The following BBX variants were observed in gnomAD, a reference collection of about 807,000 sequenced individuals.
BBX encodes the protein BBX high mobility group box domain containing.
Under a neutral mutation model 100.2 loss-of-function variants are expected in BBX, and 30 were observed. That is an observed-to-expected ratio of 0.30 (90% CI 0.22 to 0.41). The LOEUF (loss-of-function observed/expected upper bound fraction) is 0.41. Among genes scored for constraint, BBX ranks in the 10% least tolerant of loss-of-function variants. The pLI, the probability that BBX is intolerant of heterozygous loss-of-function variation, is 1.00. For missense variants in BBX, 1,023 were observed against 1,129.8 expected (o/e 0.91, Z 1.35); for synonymous variants, 376 against 388.1 (o/e 0.97, Z 0.37).
intron 3 of BBX, among the ~76,000 whole-genome samples, chr3:107,709,748 A>G (rs2061604343): frequency 6.6e-6 from 1 of 152,232 alleles, no homozygotes; most frequent in South Asian, 2.1e-4. Context: ...CACCTGTTTA[A>G]TAGAAATATG....
intron 2 of BBX, among the ~76,000 whole-genome samples, chr3:107,637,072 A>G (rs2056892636): frequency 6.6e-6 from 1 of 152,232 alleles, no homozygotes. Flanking sequence ...TTTTTAAAAA[A>G]TAATAGACCT....
At chr3:107,609,676 G>A (rs1250078975) in intron 2 of BBX, among the ~76,000 whole-genome samples, 1 of 151,918 alleles carries the variant, frequency 6.6e-6, no homozygotes, top group Non-Finnish European at 1.5e-5. Flanking sequence ...TTTGTAGTTG[G>A]TCACAGTTGC....
chr3:107,710,334 C>A, intron 3 of BBX, 118 bp from the exon 4 acceptor site: 1 of 746,836 alleles, frequency 1.3e-6, no homozygotes. Flanking sequence ...AAATTATAAT[C>A]TAATTAATCC....
intron 2 of BBX, among the ~76,000 whole-genome samples, chr3:107,583,113 T>C (rs777666371): frequency 6.6e-6 from 1 of 151,846 alleles, no homozygotes; most frequent in Non-Finnish European, 1.5e-5. Flanking sequence ...AATCAACATA[T>C]GAAGTTTAAA....
intron 2 of BBX, among the ~76,000 whole-genome samples, chr3:107,541,969 C>T (rs2048897778): frequency 6.6e-6 from 1 of 152,028 alleles, no homozygotes; most frequent in Admixed American, 6.6e-5. Flanking sequence ...AGGTGTTTGT[C>T]ACCACGACTG....
intron 13 of BBX, among the ~76,000 whole-genome samples, chr3:107,784,542 C>T (rs2068224986): frequency 4.0e-5 from 6 of 151,874 alleles, no homozygotes; most frequent in Admixed American, 3.9e-4. Flanking sequence ...ATTAAATACA[C>T]TTCTACATAA....
chr3:107,744,102 A>T (rs1260613849), intron 7 of BBX, among the ~76,000 whole-genome samples: 33 of 152,024 alleles, frequency 2.2e-4, no homozygotes, highest in Non-Finnish European at 1.5e-5. Flanking sequence ...ATCACACTGA[A>T]TTGGGGTTAA....
At chr3:107,795,558 C>T (rs2069541999) in intron 15 of BBX, among the ~76,000 whole-genome samples, 2 of 145,322 alleles carry the variant, frequency 1.4e-5, no homozygotes, top group African/African-American at 5.1e-5. Context: ...GAGGAGACCT[C>T]TGGTTAATTG....
chr3:107,769,182 A>ATAGAT lies in BBX; in HGVS notation c.907-3445_907-3441dup, dbSNP rs2066654699. The stretch of plus-strand genomic sequence containing the variant: ...GACTCTATCATTCATAGATAGATAG[A>ATAGAT]TAGATAGATAGATAGATAGATAGAT... On this transcript the variant is annotated intron_variant, in intron 10 of 17. Coordinates refer to ENST00000325805, the MANE Select transcript of BBX (RefSeq NM_001142568.3). Among the ~76,000 whole-genome samples the ATAGAT allele has an allele frequency of 8.2e-5, 6 of 72,786 alleles. No homozygotes were observed. The South Asian group carries it at 3.7e-3, about 45-fold the overall frequency. 47.8% of individuals were successfully genotyped at this position (72,786 alleles called of 152,430 possible). A position where few individuals can be genotyped will look rare whatever the true frequency, so the allele number is the denominator to read the frequency against.
chr3:107,761,890 T>C (rs1176067560), intron 10 of BBX, among the ~76,000 whole-genome samples: 2 of 152,162 alleles, frequency 1.3e-5, no homozygotes, highest in Non-Finnish European at 2.9e-5. Context: ...CCATTTAAGA[T>C]TTCTGTTGTG....
chr3:107,745,912 T>G (rs2064553506), intron 8 of BBX, among the ~76,000 whole-genome samples: 1 of 152,172 alleles, frequency 6.6e-6, no homozygotes, highest in Non-Finnish European at 1.5e-5. Context: ...CATGTGTACA[T>G]TTTTGTGGCT....
chr3:107,772,102 A>C (rs2066949645), intron 10 of BBX, among the ~76,000 whole-genome samples: 1 of 152,202 alleles, frequency 6.6e-6, no homozygotes, highest in Non-Finnish European at 1.5e-5. Flanking sequence ...ATAAAAAAAA[A>C]AATCCAAAAT....
intron 3 of BBX, among the ~76,000 whole-genome samples, chr3:107,656,512 G>T (rs1279203714): frequency 6.6e-6 from 1 of 152,052 alleles, no homozygotes; most frequent in Non-Finnish European, 1.5e-5. Flanking sequence ...GGATTTTATA[G>T]ACTTTAATTG....
intron 3 of BBX, among the ~76,000 whole-genome samples, chr3:107,650,277 G>A (rs1046666759): frequency 3.9e-5 from 6 of 152,064 alleles, no homozygotes; most frequent in African/African-American, 9.7e-5. Flanking sequence ...ATTCTCATAG[G>A]AACCTGAACC....
chr3:107,774,953 C>CT lies in BBX; in HGVS notation c.2054+99dup, dbSNP rs2107801623. The stretch of plus-strand genomic sequence containing the variant: ...AGATCACTAACTACGCATGCTTGTT[C>CT]TTTGACTACTCGCTCAGGACTTCCT... On this transcript the variant is annotated intron_variant, in intron 12 of 17. Coordinates refer to ENST00000325805, the MANE Select transcript of BBX (RefSeq NM_001142568.3). 11 of 1,400,784 alleles carry CT rather than the reference C, an allele frequency of 7.9e-6. No individual in the cohort carries two copies. The South Asian group carries it at 1.4e-4, about 18-fold the overall frequency. 86.8% of individuals were successfully genotyped at this position (1,400,784 alleles called of 1,614,324 possible). A position where few individuals can be genotyped will look rare whatever the true frequency, so the allele number is the denominator to read the frequency against.
chr3:107,787,541 G>C (rs2068564596), intron 13 of BBX, among the ~76,000 whole-genome samples: 1 of 152,178 alleles, frequency 6.6e-6, no homozygotes, highest in Admixed American at 6.5e-5. Context: ...ATTTATTTTT[G>C]AGGTGATGAA....
At chr3:107,573,901 T>C (rs1457714454) in intron 2 of BBX, among the ~76,000 whole-genome samples, 2 of 152,146 alleles carry the variant, frequency 1.3e-5, no homozygotes, top group Non-Finnish European at 2.9e-5. Flanking sequence ...TAATTTTGTA[T>C]TAGCCGGGAG....
At chr3:107,626,885 C>G (rs2056219111) in intron 2 of BBX, among the ~76,000 whole-genome samples, 1 of 152,030 alleles carries the variant, frequency 6.6e-6, no homozygotes, top group Admixed American at 6.6e-5. Flanking sequence ...AAACTCCTGA[C>G]CTCAAGTGAT....
chr3:107,536,976 T>C (rs1187013646), intron 2 of BBX, among the ~76,000 whole-genome samples: 2 of 152,208 alleles, frequency 1.3e-5, no homozygotes, highest in African/African-American at 2.4e-5. Flanking sequence ...CCTTGAAATA[T>C]GGGACGAGTT....
Sources: gnomAD v4.1 joint callset for allele counts (sites outside exome capture counted in the v4.1 genomes callset) on GRCh38, gnomAD v4.1.1 for gene constraint, MANE v1.5 for transcripts, NCBI Gene and HGNC (gene_info 2026-07-23, HGNC 2026-07-21) for gene names.